ZMYM6: variants seen among roughly 807,000 people sequenced by gnomAD.
ZMYM6 encodes zinc finger MYM-type protein 6.
ZMYM6 carries 90 observed loss-of-function variants against 134.0 expected under a neutral mutation model. The ratio of observed to expected loss-of-function variants is 0.67; its 90% CI spans 0.57 to 0.80. ZMYM6 has a LOEUF of 0.80. Among genes scored for constraint, ZMYM6 ranks in the 30% least tolerant of loss-of-function variants. ZMYM6 has a pLI of 0.00. For missense variants in ZMYM6, 1,362 were observed against 1,533.9 expected (o/e 0.89, Z 1.87); for synonymous variants, 481 against 524.1 (o/e 0.92, Z 1.12).
chr1:35,021,710 T>C (rs1641312974), intron 2 of ZMYM6, among the ~76,000 whole-genome samples: 1 of 152,222 alleles, frequency 6.6e-6, no homozygotes, highest in Non-Finnish European at 1.5e-5. Context: ...AGCTGCCTTT[T>C]CTGTTAATGG....
chr1:35,025,886 G>A (rs1641405584), intron 2 of ZMYM6, among the ~76,000 whole-genome samples: 1 of 152,034 alleles, frequency 6.6e-6, no homozygotes, highest in South Asian at 2.1e-4. Flanking sequence ...ACTTAACTGA[G>A]GGTTGTGAGC....
intron 6 of ZMYM6, chr1:35,013,478 T>C (rs1641125746): frequency 1.0e-6 from 1 of 985,074 alleles, no homozygotes; most frequent in African/African-American, 1.7e-5. Flanking sequence ...GAAATGGAAC[T>C]GATTTTGGGA....
chr1:35,004,437 G>A (rs1044319366), intron 13 of ZMYM6, among the ~76,000 whole-genome samples: 3 of 151,928 alleles, frequency 2.0e-5, no homozygotes, highest in Non-Finnish European at 4.4e-5. Flanking sequence ...TGGTGAAACC[G>A]CATCTCTACC....
rs1017222831 is a variant in ZMYM6 at position 35,014,172 on chromosome 1, T to G, written c.795+525A>C. ...ATTACAATTCATTCCCAAACACATT[T>G]TGAAATGAAAAAGACAAGCTTTGTT... On this transcript the variant is annotated intron_variant, in intron 6 of 15. Coordinates refer to ENST00000357182, the MANE Select transcript of ZMYM6 (RefSeq NM_007167.4). 7.9e-5 allele frequency among the ~76,000 whole-genome samples: 12 copies of G among 152,368 alleles called. No individual in the cohort carries two copies. The East Asian group carries it at 2.1e-3, about 27-fold the overall frequency.
intron 11 of ZMYM6, among the ~76,000 whole-genome samples, chr1:35,007,900 G>A (rs987831701): frequency 6.6e-6 from 1 of 152,010 alleles, no homozygotes; most frequent in South Asian, 2.1e-4. Flanking sequence ...ATAAAGATAG[G>A]TTCAACTTCT....
rs1641424182 is a variant in ZMYM6 at position 35,026,899 on chromosome 1, A to T, written c.93+3648T>A. On this transcript the variant is annotated intron_variant, in intron 2 of 15. Transcript: ENST00000357182. ...TCTGACTTCAGAGAGACTGCAGTCT[A>T]GTGTGTCAATGAAAGATGAGGAGGA... 2.6e-5 allele frequency among the ~76,000 whole-genome samples: 4 copies of T among 152,218 alleles called. No individual in the cohort carries two copies. In the South Asian group the frequency reaches 6.2e-4, roughly 24 times the overall value.
intron 15 of ZMYM6, chr1:34,989,430 C>CTA (rs34804021): frequency 0.19 from 32,360 of 171,658 alleles, 8,209 homozygotes; most frequent in African/African-American, 0.61. Context: ...TGGCACACAC[C>CTA]TATAGTCCCA....
chr1:35,017,531 C>T (rs936031950), intron 4 of ZMYM6: 2 of 152,208 alleles, frequency 1.3e-5, no homozygotes, highest in African/African-American at 4.8e-5. Context: ...GAACCTTACA[C>T]ATGCAAATGA....
chr1:35,014,029 A>G (rs1641139060), intron 6 of ZMYM6, among the ~76,000 whole-genome samples: 1 of 152,204 alleles, frequency 6.6e-6, no homozygotes, highest in Non-Finnish European at 1.5e-5. Context: ...TAAAACCACA[A>G]ATTAGTAATA....
rs371421461 is a variant in ZMYM6 at position 35,014,710 on chromosome 1, G to A, written c.782C>T (p.Thr261Met). Residue 261 changes from threonine (T) to methionine (M), a missense_variant, in exon 6 of 16, where the codon ACG becomes ATG. By Grantham distance (81) the Thr-to-Met change is moderately conservative. This residue lies in a region of ZMYM6 where 503 missense variants were observed against 520.8 expected (regional missense o/e 0.97). Coordinates refer to ENST00000357182, the MANE Select transcript of ZMYM6 (RefSeq NM_007167.4). The part of the protein sequence containing the change: ...SQKVFSSTSV[T>M]AYKQNSAQIP... ...AGATATTCATACCTGCTTGTATGCC[G>A]TGACACTTGTTGAACTAAAAACCTT... is the stretch of plus-strand genomic sequence containing the variant. The A allele has an allele frequency of 1.1e-4, 182 of 1,613,732 alleles. No homozygotes were observed. The highest frequency in any genetic ancestry group is 7.8e-4 in the South Asian group (71 of 91,060).
Position 35,010,565 on chromosome 1 carries a change from G to A in ZMYM6, c.1374C>T (p.Cys458=), listed in dbSNP as rs1441693397. 6.2e-7 allele frequency: 1 copy of A among 1,613,262 alleles called. No homozygotes were observed. The highest frequency in any genetic ancestry group is 1.1e-5 in the South Asian group (1 of 90,824). The stretch of plus-strand genomic sequence containing the variant: ...TATTTTTCTTCTTGTATTCATCAGA[G>A]CAATTCTTGCCACAAAACAGAAACA... ...GKMFLFCGKN[C]SDEYKKKNKV... The change falls in exon 10 of 16, where the codon TGC becomes TGT. Residue 458 remains cysteine, a synonymous_variant. Transcript: ENST00000357182.
intron 3 of ZMYM6, 45 bp from the exon 4 acceptor site, chr1:35,019,647 A>G: frequency 1.3e-6 from 2 of 1,527,590 alleles, no homozygotes; most frequent in Non-Finnish European, 1.8e-6. Context: ...ATACTAATGC[A>G]TATACAGTCT....
chr1:35,005,368 G>C, intron 12 of ZMYM6, 96 bp from the exon 13 acceptor site: 1 of 1,300,188 alleles, frequency 7.7e-7, no homozygotes, highest in Non-Finnish European at 1.1e-6. Context: ...TAGTAACTAG[G>C]TTTTCAAGAA....
At chr1:35,010,350 G>A in intron 10 of ZMYM6, 97 bp downstream of exon 10, 1 of 1,461,384 alleles carries the variant, frequency 6.8e-7, no homozygotes, top group South Asian at 1.4e-5. Flanking sequence ...CACCTTGTAA[G>A]ACAAAAAGAA....
rs1259885576 is a variant in ZMYM6, at chr1:34,988,531, C to A, written c.2551G>T (p.Glu851Ter). The change falls in exon 16 of 16, where the codon GAA becomes TAA. Residue 851 changes from glutamate (E) to a stop codon, truncating the protein, a stop_gained. Coordinates refer to ENST00000357182, the MANE Select transcript of ZMYM6 (RefSeq NM_007167.4). LOFTEE classifies it high-confidence loss of function. ...ASKKPFSIAE[E>*]LIKPYLVEMC... ...TCTACTAAATATGGTTTAATTAATT[C>A]TTCAGCAATGGAGAATGGCTTCTTG... The A allele has an allele frequency of 8.4e-6, 13 of 1,551,032 alleles. No individual in the cohort carries two copies. Among genetic ancestry groups the A allele is most frequent in the Non-Finnish European group, 1.1e-5 (13 of 1,146,836 alleles).
chr1:35,026,615 T>G (rs1182438197), intron 2 of ZMYM6, among the ~76,000 whole-genome samples: 1 of 152,188 alleles, frequency 6.6e-6, no homozygotes, highest in East Asian at 1.9e-4. Context: ...AATTTTTATA[T>G]TCAGAAAGAA....
intron 4 of ZMYM6, among the ~76,000 whole-genome samples, chr1:35,015,739 AAAAAAT>A (rs1258819205): frequency 2.4e-5 from 3 of 123,348 alleles, no homozygotes; most frequent in African/African-American, 1.6e-4. Context: ...AAAAAAAAAA[AAAAAAT>A]ATATATATAT....
At chr1:35,012,611 A>G in intron 6 of ZMYM6, 30 bp from the exon 7 acceptor site, 1 of 1,608,870 alleles carries the variant, frequency 6.2e-7, no homozygotes, top group Non-Finnish European at 8.5e-7. Flanking sequence ...TTAGATACCT[A>G]GTACAAACAT....
intron 14 of ZMYM6, among the ~76,000 whole-genome samples, chr1:34,997,672 T>C (rs1640807684): frequency 6.6e-6 from 1 of 152,170 alleles, no homozygotes; most frequent in Admixed American, 6.5e-5. Flanking sequence ...AACCTTTTCA[T>C]TTTGTCATTT....
Sources: gnomAD v4.1 joint callset for allele counts (sites outside exome capture counted in the v4.1 genomes callset) on GRCh38, gnomAD v4.1.1 for gene constraint, gnomAD v4.1.1 regional missense constraint, MANE v1.5 for transcripts, NCBI Gene and HGNC (gene_info 2026-07-23, HGNC 2026-07-21) for gene names.